SLC9C1: variants seen among roughly 807,000 people sequenced by gnomAD.
SLC9C1 encodes the protein sodium/hydrogen exchanger 10.
SLC9C1 carries 97 observed loss-of-function variants against 140.9 expected under a neutral mutation model. That is an observed-to-expected ratio of 0.69 (90% CI 0.58 to 0.82). The LOEUF (loss-of-function observed/expected upper bound fraction) is 0.82. SLC9C1 is among the 40% of genes least tolerant of loss of function. The pLI is 0.00. For synonymous variants in SLC9C1, 440 were observed against 442.6 expected, an observed-to-expected ratio of 0.99 and a Z score of 0.07; for missense variants, 1,340 against 1,389.3, an observed-to-expected ratio of 0.96 and a Z score of 0.56.
At chr3:112,170,358 T>C (rs1349987773) in intron 23 of SLC9C1, among the ~76,000 whole-genome samples, 1 of 152,238 alleles carries the variant, frequency 6.6e-6, no homozygotes, top group Non-Finnish European at 1.5e-5. Context: ...AGTTTTCATG[T>C]GCATTTTTCT....
At chr3:112,203,170 GA>G (rs1291902365) in intron 17 of SLC9C1, among the ~76,000 whole-genome samples, 2 of 151,952 alleles carry the variant, frequency 1.3e-5, no homozygotes, top group East Asian at 3.9e-4. Context: ...CTTTCCAGGG[GA>G]AGAGACAATA....
chr3:112,280,952 AT>A (rs1469378528), intron 2 of SLC9C1, among the ~76,000 whole-genome samples, 169 bp from the exon 3 acceptor site: 1 of 152,178 alleles, frequency 6.6e-6, no homozygotes, highest in Non-Finnish European at 1.5e-5. Flanking sequence ...GTAACTGTTA[AT>A]CTACCGGGTT....
intron 23 of SLC9C1, among the ~76,000 whole-genome samples, chr3:112,171,652 G>A (rs548016561): frequency 1.3e-4 from 19 of 151,960 alleles, no homozygotes; most frequent in Admixed American, 3.3e-4. Context: ...TCAATATTTC[G>A]TTTTATGGTT....
At position 112,143,200 on chromosome 3, in the gene SLC9C1, G is replaced by T. The variant is rs1040438557; in HGVS notation, c.3525-1919C>A. ...TTGTAAGTGGTGCTACGATGAACAT[G>T]CAAGTGCATGTGTCTTTTTGGTAGA... On this transcript the variant is annotated intron_variant, in intron 28 of 28. Coordinates refer to ENST00000305815, the MANE Select transcript of SLC9C1 (RefSeq NM_183061.3). 3.3e-5 allele frequency among the ~76,000 whole-genome samples: 5 copies of T among 150,630 alleles called. No individual in the cohort carries two copies. The South Asian group carries it at 6.4e-4, about 19-fold the overall frequency.
chr3:112,277,936 T>TTTTC, intron 4 of SLC9C1, 76 bp from the exon 5 acceptor site: 1 of 1,294,366 alleles, frequency 7.7e-7, no homozygotes, highest in Non-Finnish European at 1.1e-6. Flanking sequence ...ATCAGGATTA[T>TTTTC]TGGAGATACA....
chr3:112,145,589 C>CAT (rs371185606), intron 28 of SLC9C1, among the ~76,000 whole-genome samples: 2 of 28,244 alleles, frequency 7.1e-5, no homozygotes, highest in Non-Finnish European at 1.2e-4. Context: ...CTGCCCTTGG[C>CAT]TTTTTTTTTT....
chr3:112,277,553 A>G (rs2080248000), intron 5 of SLC9C1, 142 bp downstream of exon 5: 1 of 651,504 alleles, frequency 1.5e-6, no homozygotes, highest in Non-Finnish European at 2.4e-6. Flanking sequence ...GACCTCCAGA[A>G]TCTCTGCTTA....
chr3:112,292,431 A>ATC (rs2080710181), intron 1 of SLC9C1, among the ~76,000 whole-genome samples: 1 of 152,238 alleles, frequency 6.6e-6, no homozygotes, highest in Non-Finnish European at 1.5e-5. Context: ...CTCATAAGAA[A>ATC]TCTCTATTTG....
At chr3:112,270,162 G>C (rs1019601050) in intron 6 of SLC9C1, 85 bp from the exon 7 acceptor site, 2 of 1,343,856 alleles carry the variant, frequency 1.5e-6, no homozygotes, top group Non-Finnish European at 2.0e-6. Context: ...TTTCCTTTTT[G>C]TCATTATCTT....
At chr3:112,288,657 G>A (rs965082593) in intron 1 of SLC9C1, among the ~76,000 whole-genome samples, 2 of 152,176 alleles carry the variant, frequency 1.3e-5, no homozygotes, top group African/African-American at 4.8e-5. Flanking sequence ...AGGAGGCTGA[G>A]GGGGTGGTGG....
At chr3:112,286,414 G>A (rs987177542) in intron 2 of SLC9C1, among the ~76,000 whole-genome samples, 1 of 152,070 alleles carries the variant, frequency 6.6e-6, no homozygotes, top group Non-Finnish European at 1.5e-5. Context: ...TTTTCTGCCT[G>A]TTTTCTTCAA....
chr3:112,156,000 T>C (rs937785852), intron 26 of SLC9C1, among the ~76,000 whole-genome samples: 1 of 152,100 alleles, frequency 6.6e-6, no homozygotes, highest in Non-Finnish European at 1.5e-5. Flanking sequence ...TTATCTTTTT[T>C]TTTGTGTTGG....
Position 112,164,257 on chromosome 3 carries a change from AC to A in SLC9C1, c.3364+2963del, listed in dbSNP as rs1404102108. 1.6e-3 allele frequency among the ~76,000 whole-genome samples: 236 copies of A among 147,222 alleles called. 7 individuals are homozygous for A. The highest frequency in any genetic ancestry group is 5.8e-3 in the African/African-American group (216 of 37,064). The stretch of plus-strand genomic sequence containing the variant: ...CCAGTCTGTGTCTTTTAATTGGAGC[AC>A]TTAGTCCATTTACATTTAAAGTTAA... On this transcript the variant is annotated intron_variant, in intron 26 of 28. Coordinates refer to ENST00000305815, the MANE Select transcript of SLC9C1 (RefSeq NM_183061.3).
At chr3:112,171,909 T>C (rs1018279234) in intron 23 of SLC9C1, among the ~76,000 whole-genome samples, 1 of 152,226 alleles carries the variant, frequency 6.6e-6, no homozygotes, top group Admixed American at 6.5e-5. Context: ...CAAAAATCTA[T>C]TGACTATGTA....
At chr3:112,168,358 CACACACACA>C (rs879590280) in intron 25 of SLC9C1, among the ~76,000 whole-genome samples, 2,235 of 102,234 alleles carry the variant, frequency 0.022, 22 homozygotes, top group South Asian at 0.076. Context: ...CACACACACA[CACACACACA>C]ACTTCTTTCC....
At chr3:112,278,896 TCA>T (rs1176697422) in intron 3 of SLC9C1, 39 bp from the exon 4 acceptor site, 1 of 1,581,330 alleles carries the variant, frequency 6.3e-7, no homozygotes. Context: ...CATTTATTCA[TCA>T]CTATTAGAAT....
rs1022594368 is a variant in SLC9C1, at chr3:112,260,091, T to C, written c.1197+2833A>G. ...AGTTGTTCTATAATTTGTTGAGTTA[T>C]ATAGAGGAGTATTAAAGTGTCCAAT... On this transcript the variant is annotated intron_variant, in intron 10 of 28. Transcript: ENST00000305815. Among the ~76,000 whole-genome samples the C allele has an allele frequency of 7.2e-5, 11 of 152,298 alleles. No individual in the cohort carries two copies. In the South Asian group the frequency reaches 2.1e-3, roughly 29 times the overall value.
chr3:112,285,563 A>G (rs1333328514), intron 2 of SLC9C1, among the ~76,000 whole-genome samples: 4 of 152,206 alleles, frequency 2.6e-5, no homozygotes, highest in African/African-American at 9.6e-5. Flanking sequence ...AATCTAGCAA[A>G]TTTAAAAGTC....
At chr3:112,205,292 C>A (rs371869000) in intron 16 of SLC9C1, among the ~76,000 whole-genome samples, 1 of 152,050 alleles carries the variant, frequency 6.6e-6, no homozygotes. Context: ...TGAGTGAACT[C>A]CCATTCACAA....
Sources: allele counts gnomAD v4.1 joint callset (sites outside exome capture counted in the v4.1 genomes callset), GRCh38; gene constraint gnomAD v4.1.1; transcripts MANE v1.5; gene names NCBI Gene and HGNC (gene_info 2026-07-23, HGNC 2026-07-21).